The following BBOF1 variants were observed in gnomAD, a reference collection of about 807,000 sequenced individuals.
The protein encoded by BBOF1 is basal body orientation factor 1, also known as basal body-orientation factor 1.
Under a neutral mutation model 68.0 loss-of-function variants are expected in BBOF1, and 62 were observed. The ratio of observed to expected loss-of-function variants is 0.91; its 90% CI spans 0.74 to 1.13. The LOEUF (loss-of-function observed/expected upper bound fraction) is 1.13, where lower values mean the gene tolerates loss of function less well. Ranked by LOEUF, BBOF1 falls within the 50% of genes most tolerant of loss-of-function variation. The pLI is 0.00. For synonymous variants in BBOF1, 208 were observed against 198.8 expected (o/e 1.05, Z -0.39); for missense variants, 534 against 600.1 (o/e 0.89, Z 1.15).
chr14:74,064,089 G>A (rs1303062431), intron 11 of BBOF1, among the ~76,000 whole-genome samples: 2 of 151,704 alleles, frequency 1.3e-5, no homozygotes, highest in Non-Finnish European at 2.9e-5. Context: ...CACAAGGTCA[G>A]GAGTTCAAGA....
chr14:74,032,652 C>G (rs868571842), intron 3 of BBOF1, among the ~76,000 whole-genome samples: 10 of 151,376 alleles, frequency 6.6e-5, no homozygotes, highest in Middle Eastern at 3.2e-3. Flanking sequence ...TGCCACCATG[C>G]CTGGCTAATT....
chr14:74,025,847 G>T (rs2059411363), intron 2 of BBOF1, among the ~76,000 whole-genome samples: 1 of 151,892 alleles, frequency 6.6e-6, no homozygotes, highest in Admixed American at 6.6e-5. Flanking sequence ...ATGAGGCTGG[G>T]CTGTTCATGG....
Position 74,064,869 on chromosome 14 carries a change from C to T in BBOF1, c.*170C>T, listed in dbSNP as rs368853422. The stretch of plus-strand genomic sequence containing the variant: ...TCTCCCCTGAAGGAGGATCGAGAGC[C>T]GGTGAATGAGAACATTGGCAAAGGC... On this transcript the variant is annotated 3_prime_UTR_variant, in exon 12 of 12. Transcript: ENST00000394009. 257 of 1,613,884 alleles carry T rather than the reference C, an allele frequency of 1.6e-4. 1 individual carries two copies. Among genetic ancestry groups the T allele is most frequent in the South Asian group, 5.9e-4 (54 of 91,072 alleles).
Position 74,072,741 on chromosome 14 carries a change from T to TAGAAATGTTACCACTAA in BBOF1, n.1380-5439_1380-5438insAAGAAATGTTACCACTA. The TAGAAATGTTACCACTAA allele has an allele frequency of 2.9e-6, 3 of 1,022,576 alleles. No individual in the cohort carries two copies. The South Asian group carries it at 4.2e-5, about 14-fold the overall frequency. 63.3% of individuals were successfully genotyped at this position (1,022,576 alleles called of 1,614,324 possible). On this transcript the variant is annotated intron_variant and non_coding_transcript_variant, in intron 9 of 12. Transcript: ENST00000492026. ...GTTGATAACGGAATCTTCTGGTCTT[T>TAGAAATGTTACCACTAA]AGAAATGTTACCACTAGGAAAGAGA... is the stretch of plus-strand genomic sequence containing the variant.
chr14:74,041,103 AG>A lies in BBOF1; in HGVS notation c.576+460del, dbSNP rs1433353224. Among the ~76,000 whole-genome samples the A allele has an allele frequency of 3.3e-5, 5 of 152,328 alleles. No individual in the cohort carries two copies. The East Asian group carries it at 9.7e-4, about 29-fold the overall frequency. ...GAGGCCGAGGCAGGTGGATCGTCTCAGGTCAGGAGTTCGAGACCAGCCTGAC... is the reference window on the plus strand; with the variant it reads ...GAGGCCGAGGCAGGTGGATCGTCTCAGTCAGGAGTTCGAGACCAGCCTGAC... On this transcript the variant is annotated intron_variant, in intron 5 of 11. Transcript: ENST00000394009.
chr14:74,026,714 C>G (rs2059437082), intron 2 of BBOF1, among the ~76,000 whole-genome samples: 1 of 151,980 alleles, frequency 6.6e-6, no homozygotes, highest in South Asian at 2.1e-4. Context: ...CACCTGAGGT[C>G]AGGAGTTCAA....
chr14:74,037,274 CTTTTTTTTTTTTT>C (rs892262272), intron 4 of BBOF1, among the ~76,000 whole-genome samples: 140 of 66,012 alleles, frequency 2.1e-3, no homozygotes, highest in East Asian at 2.9e-3. Context: ...CGCCTGGCCT[CTTTTTTTTTTTTT>C]TTTTTTTTTT....
rs1465063082 is a variant in BBOF1 at position 74,049,683 on chromosome 14, C to T, written c.793-19C>T. The T allele has an allele frequency of 1.9e-6, 3 of 1,551,770 alleles. No homozygotes were observed. The South Asian group carries it at 3.7e-5, about 19-fold the overall frequency. On this transcript the variant is annotated intron_variant, in intron 7 of 11. Coordinates refer to ENST00000394009, the MANE Select transcript of BBOF1 (RefSeq NM_025057.3). The stretch of plus-strand genomic sequence containing the variant: ...TCTCAAAAGAAAAAAAAAATCACCT[C>T]TCATCTTTCTGTTTTTAGGAGATCA...
chr14:74,019,610 G>C (rs1339590439), intron 1 of BBOF1, 76 bp downstream of exon 1: 1 of 1,535,040 alleles, frequency 6.5e-7, no homozygotes, highest in Non-Finnish European at 8.8e-7. Flanking sequence ...GCAACCTGGC[G>C]CCCCCCGCGC....
At chr14:74,063,260 C>T (rs1181207084) in intron 11 of BBOF1, among the ~76,000 whole-genome samples, 1 of 151,388 alleles carries the variant, frequency 6.6e-6, no homozygotes, top group African/African-American at 2.4e-5. Flanking sequence ...AATCTCGGCT[C>T]ACTGCAACTT....
chr14:74,075,426 A>T (rs955613490), intron 9 of BBOF1, among the ~76,000 whole-genome samples: 21 of 152,044 alleles, frequency 1.4e-4, no homozygotes, highest in Admixed American at 1.0e-3. Flanking sequence ...GGAAGCTGAG[A>T]CGGGTATATC....
chr14:74,070,976 G>A, downstream of BBOF1: 1 of 576,050 alleles, frequency 1.7e-6, no homozygotes, highest in Non-Finnish European at 3.1e-6. Flanking sequence ...CATATTTCTA[G>A]TGTCCCAATA....
intron 9 of BBOF1, among the ~76,000 whole-genome samples, chr14:74,073,075 C>T (rs907310273): frequency 3.3e-5 from 5 of 152,228 alleles, no homozygotes; most frequent in African/African-American, 9.6e-5. Flanking sequence ...GCTAGGATTA[C>T]AGGCGTGAGC....
intron 3 of BBOF1, among the ~76,000 whole-genome samples, chr14:74,032,103 C>T (rs1428147869): frequency 4.1e-5 from 6 of 146,160 alleles, no homozygotes; most frequent in African/African-American, 1.3e-4. Context: ...CCAACAGAGT[C>T]TATTCTCAAA....
Position 74,052,787 on chromosome 14 carries a change from A to C in BBOF1, c.1286+2592A>C, listed in dbSNP as rs575225965. Reference sequence around the variant, plus strand: ...TGAGGCAAGAGGATCATTTGAGTCCAGTAGTTAAAGACCAGCCTGGGCAAC... The same window carrying C: ...TGAGGCAAGAGGATCATTTGAGTCCCGTAGTTAAAGACCAGCCTGGGCAAC... On this transcript the variant is annotated intron_variant, in intron 8 of 11. Coordinates refer to ENST00000394009, the MANE Select transcript of BBOF1 (RefSeq NM_025057.3). Among the ~76,000 whole-genome samples the C allele has an allele frequency of 6.6e-5, 10 of 152,160 alleles. No homozygotes were observed. The South Asian group carries it at 1.2e-3, about 19-fold the overall frequency.
chr14:74,026,945 G>A lies in BBOF1; in HGVS notation c.286-2239G>A, dbSNP rs115742876. ...ATCTCAAAAGGAAAAAAAAAAAATG[G>A]CAAAAACTGCAGTTGCTTTTGCACT... On this transcript the variant is annotated intron_variant, in intron 2 of 11. Transcript: ENST00000394009. 5.9e-3 allele frequency among the ~76,000 whole-genome samples: 886 copies of A among 151,288 alleles called. 8 individuals carry two copies. The highest frequency in any genetic ancestry group is 0.02 in the African/African-American group (813 of 41,212).
rs114478237 is a variant in BBOF1, at chr14:74,019,921, T to C, written c.56+387T>C. ...TGCTGCTAGATTGCTACTAGCCCTA[T>C]TGGGGGACCCCGGTGGTTTCTGGAC... is the stretch of plus-strand genomic sequence containing the variant. On this transcript the variant is annotated intron_variant, in intron 1 of 11. Coordinates refer to ENST00000394009, the MANE Select transcript of BBOF1 (RefSeq NM_025057.3). Among the ~76,000 whole-genome samples the C allele has an allele frequency of 6.3e-3, 958 of 152,358 alleles. 11 individuals are homozygous for C. The highest frequency in any genetic ancestry group is 0.022 in the African/African-American group (913 of 41,590).
Position 74,035,584 on chromosome 14 carries a change from A to ATTTTTTTTTT in BBOF1, c.495+1432_495+1441dup, listed in dbSNP as rs71460945. The stretch of plus-strand genomic sequence containing the variant: ...AGGCGTGCACCACCACCCCCAGCTA[A>ATTTTTTTTTT]TTTTTTTTTTTTTTTTTTTTTTTTT... On this transcript the variant is annotated intron_variant, in intron 4 of 11. Transcript: ENST00000394009. Among the ~76,000 whole-genome samples, 292 of 81,384 alleles carry ATTTTTTTTTT rather than the reference A, an allele frequency of 3.6e-3. 28 individuals carry two copies. Among genetic ancestry groups the ATTTTTTTTTT allele is most frequent in the African/African-American group, 0.018 (278 of 15,652 alleles). The allele number at this position is 81,384 out of a possible 152,430, so 53.4% of individuals were successfully genotyped here. A position where few individuals can be genotyped will look rare whatever the true frequency, so the allele number is the denominator to read the frequency against.
At chr14:74,066,099 T>C (rs1171806603), downstream of BBOF1, 1 of 154,538 alleles carries the variant, frequency 6.5e-6, no homozygotes, top group Admixed American at 6.4e-5. Flanking sequence ...TCAATTATTT[T>C]TGTCACTTTC....
Sources: gnomAD v4.1 joint callset for allele counts (sites outside exome capture counted in the v4.1 genomes callset) on GRCh38, gnomAD v4.1.1 for gene constraint, MANE v1.5 for transcripts, NCBI Gene and HGNC (gene_info 2026-07-23, HGNC 2026-07-21) for gene names.